The following RUBCN variants were observed in gnomAD, a reference collection of about 807,000 sequenced individuals.
The protein encoded by RUBCN is run domain Beclin-1-interacting and cysteine-rich domain-containing protein.
RUBCN carries 74 observed loss-of-function variants against 113.2 expected under a neutral mutation model. That is an observed-to-expected ratio of 0.65 (90% CI 0.54 to 0.79). The LOEUF (loss-of-function observed/expected upper bound fraction) is 0.79, where lower values mean the gene tolerates loss of function less well. Among genes scored for constraint, RUBCN ranks in the 30% least tolerant of loss-of-function variants. RUBCN has a pLI of 0.00. For missense variants in RUBCN, 1,109 were observed against 1,251.7 expected (o/e 0.89, Z 1.72); for synonymous variants, 480 against 490.0 (o/e 0.98, Z 0.27).
chr3:197,728,984 C>G (rs995117448), intron 1 of RUBCN, among the ~76,000 whole-genome samples: 18 of 151,948 alleles, frequency 1.2e-4, no homozygotes, highest in African/African-American at 4.3e-4. Flanking sequence ...AAGATTCAGG[C>G]CGGGCGCGGT....
Position 197,671,424 on chromosome 3 carries a change from GATTT to G in RUBCN, c.*3590_*3593del, listed in dbSNP as rs769071388. 20 of 152,236 alleles carry G rather than the reference GATTT, an allele frequency of 1.3e-4. No individual in the cohort carries two copies. The highest frequency in any genetic ancestry group is 2.5e-4 in the Non-Finnish European group (17 of 68,038). The allele number at this position is 152,236 out of a possible 1,614,324, so 9.4% of individuals were successfully genotyped here. On this transcript the variant is annotated 3_prime_UTR_variant, in exon 20 of 20. Transcript: ENST00000296343. ...TGCTAGTGGCAGAAAAGTAATGAGA[GATTT>G]ATTTTAGAGGAAAACATCCACAGAA...
In RUBCN at chr3:197,670,072, A is replaced by G. The variant is rs949414964; in HGVS notation, c.*4946T>C. ...CCCAACTAGCTTTTGTATTTTTAGT[A>G]GAGACAAGGTTTCACCATGTTGGCC... On this transcript the variant is annotated 3_prime_UTR_variant, in exon 20 of 20. Coordinates refer to ENST00000296343, the MANE Select transcript of RUBCN (RefSeq NM_014687.4). Among the ~76,000 whole-genome samples, 3 of 152,170 alleles carry G rather than the reference A, an allele frequency of 2.0e-5. No individual in the cohort carries two copies. The highest frequency in any genetic ancestry group is 4.4e-5 in the Non-Finnish European group (3 of 68,032).
chr3:197,702,873 C>T (rs1010076869), intron 5 of RUBCN, among the ~76,000 whole-genome samples: 9 of 152,012 alleles, frequency 5.9e-5, no homozygotes, highest in Admixed American at 5.2e-4. Flanking sequence ...AAAAACTGAC[C>T]CCGTGTAACA....
intron 1 of RUBCN, among the ~76,000 whole-genome samples, chr3:197,742,612 C>T (rs115188262): frequency 0.016 from 2,366 of 152,364 alleles, 33 homozygotes; most frequent in Middle Eastern, 0.037. Context: ...AAGGGACCCT[C>T]CACTGCATGA....
intron 11 of RUBCN, among the ~76,000 whole-genome samples, chr3:197,687,023 A>G (rs1721930568): frequency 6.6e-6 from 1 of 152,232 alleles, no homozygotes; most frequent in Non-Finnish European, 1.5e-5. Flanking sequence ...ATCAGAGAAG[A>G]GCTGGTTAAA....
chr3:197,728,885 AAAGC>A (rs1350144356), intron 1 of RUBCN, among the ~76,000 whole-genome samples: 8 of 152,218 alleles, frequency 5.3e-5, no homozygotes, highest in African/African-American at 1.9e-4. Flanking sequence ...TGAGTGTAGA[AAAGC>A]AAGAATGAGA....
chr3:197,677,413 G>T, intron 17 of RUBCN, 67 bp downstream of exon 17: 1 of 1,340,186 alleles, frequency 7.5e-7, no homozygotes, highest in Non-Finnish European at 1.1e-6. Context: ...CAAGAGCCAA[G>T]CGCGGGGATG....
intron 17 of RUBCN, 52 bp from the exon 18 acceptor site, chr3:197,677,090 A>G (rs1452720873): frequency 6.4e-7 from 1 of 1,554,932 alleles, no homozygotes; most frequent in Admixed American, 1.7e-5. Context: ...CATGTGCCAC[A>G]TCGTAGTAGA....
chr3:197,707,204 C>T (rs1379872865), intron 2 of RUBCN, among the ~76,000 whole-genome samples: 31 of 151,814 alleles, frequency 2.0e-4, no homozygotes, highest in Admixed American at 1.7e-3. Context: ...TGGTGGTGGG[C>T]GCCTGTAGTC....
At chr3:197,679,582 C>A (rs796817491) in intron 16 of RUBCN, among the ~76,000 whole-genome samples, 116 of 109,052 alleles carry the variant, frequency 1.1e-3, no homozygotes, top group Middle Eastern at 0.01. Context: ...ATGCTCTGAC[C>A]ACTGGCTCCA....
At chr3:197,736,171 T>A (rs564615495) in intron 1 of RUBCN, among the ~76,000 whole-genome samples, 2 of 152,222 alleles carry the variant, frequency 1.3e-5, no homozygotes, top group African/African-American at 4.8e-5. Context: ...TTCATCCCCA[T>A]GCTCATCTCT....
intron 7 of RUBCN, among the ~76,000 whole-genome samples, chr3:197,698,529 A>G (rs908185374): frequency 6.6e-6 from 1 of 152,198 alleles, no homozygotes; most frequent in African/African-American, 2.4e-5. Flanking sequence ...GGAAATGAAA[A>G]CAGGTGAAAG....
At chr3:197,718,990 C>T (rs1204540561) in intron 1 of RUBCN, among the ~76,000 whole-genome samples, 1 of 152,182 alleles carries the variant, frequency 6.6e-6, no homozygotes, top group African/African-American at 2.4e-5. Context: ...AACTTTTGCC[C>T]AGTGACTCTG....
At chr3:197,744,473 ACT>A (rs1728657438) in intron 1 of RUBCN, among the ~76,000 whole-genome samples, 1 of 152,238 alleles carries the variant, frequency 6.6e-6, no homozygotes, top group African/African-American at 2.4e-5. Context: ...TTCATGATTA[ACT>A]CTCAGCAAAT....
intron 1 of RUBCN, among the ~76,000 whole-genome samples, chr3:197,734,072 A>G (rs1374305713): frequency 1.3e-5 from 2 of 152,100 alleles, no homozygotes; most frequent in African/African-American, 4.8e-5. Flanking sequence ...CCTGGCCAAC[A>G]TGGCGAAACC....
chr3:197,690,218 T>C (rs1722273616), intron 11 of RUBCN, among the ~76,000 whole-genome samples: 1 of 152,224 alleles, frequency 6.6e-6, no homozygotes, highest in African/African-American at 2.4e-5. Flanking sequence ...GGCAGGCAGA[T>C]GACGAGGTCA....
At chr3:197,702,722 C>T (rs1039160907) in intron 5 of RUBCN, among the ~76,000 whole-genome samples, 3 of 152,092 alleles carry the variant, frequency 2.0e-5, no homozygotes, top group African/African-American at 7.2e-5. Flanking sequence ...GATAGGGGAT[C>T]TGCTTCTCTA....
At chr3:197,684,119 G>A in intron 12 of RUBCN, 38 bp downstream of exon 12, 6 of 1,505,660 alleles carry the variant, frequency 4.0e-6, no homozygotes, top group Non-Finnish European at 4.6e-6. Flanking sequence ...ATATCCTAAG[G>A]TTTTCTTTTC....
chr3:197,748,697 A>G (rs1161519253), intron 1 of RUBCN, among the ~76,000 whole-genome samples: 2 of 152,218 alleles, frequency 1.3e-5, no homozygotes, highest in African/African-American at 2.4e-5. Context: ...TTGTCACTGC[A>G]AGCTTTGCTT....
Sources: gnomAD v4.1 joint callset for allele counts (sites outside exome capture counted in the v4.1 genomes callset) on GRCh38, gnomAD v4.1.1 for gene constraint, MANE v1.5 for transcripts, NCBI Gene and HGNC (gene_info 2026-07-23, HGNC 2026-07-21) for gene names.